Variants in VSX1 observed in about 807,000 individuals in gnomAD.
The protein encoded by VSX1 is visual system homeobox 1.
VSX1 carries 23 observed loss-of-function variants against 23.6 expected under a neutral mutation model. That is an observed-to-expected ratio of 0.97 (90% CI 0.70 to 1.38). VSX1 has a LOEUF of 1.38. Ranked by LOEUF, VSX1 falls within the 40% of genes most tolerant of loss-of-function variation. The pLI, the probability that VSX1 is intolerant of heterozygous loss-of-function variation, is 0.00. For missense variants in VSX1, 517 were observed against 495.4 expected (o/e 1.04, Z -0.41); for synonymous variants, 247 against 215.1 (o/e 1.15, Z -1.30).
downstream of VSX1, chr20:25,072,394 C>T (rs988401522): frequency 5.0e-6 from 2 of 403,680 alleles, no homozygotes; most frequent in Non-Finnish European, 1.0e-5. Flanking sequence ...GTCAGCCGCA[C>T]CCACTTTCTG....
rs976796763 is a variant in VSX1, at chr20:25,081,781, C to T, written c.316G>A (p.Val106Met). ...GGGCCCCTGGGCGGCAGGAACGGCA[C>T]GTCCGCTAGGAGCAGGCAGGGTGCT... ...ARAPCLLLAD[V>M]PFLPPRGPEP... is the part of the protein sequence containing the mutation. Residue 106 changes from valine (V) to methionine (M), a missense_variant, in exon 1 of 5, where the codon GTG becomes ATG. Physicochemically the swap from Val to Met is conservative, Grantham distance 21. Transcript: ENST00000376709. The T allele has an allele frequency of 2.7e-6, 4 of 1,501,784 alleles. No individual in the cohort carries two copies. The highest frequency in any genetic ancestry group is 3.5e-6 in the Non-Finnish European group (4 of 1,133,770). The allele number at this position is 1,501,784 out of a possible 1,614,324, so 93.0% of individuals were successfully genotyped here. A position where few individuals can be genotyped will look rare whatever the true frequency, so the allele number is the denominator to read the frequency against.
chr20:25,079,043 G>A, intron 2 of VSX1, 91 bp from the exon 3 acceptor site: 1 of 1,509,644 alleles, frequency 6.6e-7, no homozygotes, highest in Non-Finnish European at 9.2e-7. Flanking sequence ...TGCTTCCTCT[G>A]CTGTCCAGAC....
rs1251855195 is a variant in VSX1, at chr20:25,079,608, T to G, written c.425-94A>C. On this transcript the variant is annotated intron_variant, in intron 1 of 4. Coordinates refer to ENST00000376709, the MANE Select transcript of VSX1 (RefSeq NM_014588.6). ...GTGAGGATTGAAGTTATGAACCTCT[T>G]GGGTACTTAAGTAGTTTACAGTATG... The G allele has an allele frequency of 8.8e-6, 12 of 1,366,874 alleles. No homozygotes were observed. In the Admixed American group the frequency reaches 1.2e-4, roughly 14 times the overall value. The allele number at this position is 1,366,874 out of a possible 1,614,324, so 84.7% of individuals were successfully genotyped here. A position where few individuals can be genotyped will look rare whatever the true frequency, so the allele number is the denominator to read the frequency against.
downstream of VSX1, chr20:25,075,429 G>A (rs2089467415): frequency 6.6e-6 from 1 of 152,180 alleles, no homozygotes; most frequent in African/African-American, 2.4e-5. Context: ...TAGTGGAGAT[G>A]TACAAGTGTG....
chr20:25,076,069 A>C lies in VSX1; in HGVS notation c.*192T>G. The C allele has an allele frequency of 1.4e-6, 1 of 736,832 alleles. No homozygotes were observed. The highest frequency in any genetic ancestry group is 2.2e-6 in the Non-Finnish European group (1 of 458,266). The allele number at this position is 736,832 out of a possible 1,614,324, so 45.6% of individuals were successfully genotyped here. A position where few individuals can be genotyped will look rare whatever the true frequency, so the allele number is the denominator to read the frequency against. On this transcript the variant is annotated 3_prime_UTR_variant, in exon 5 of 5. Transcript: ENST00000376709. ...AAAGTGCCATTAAGGAACCGTTTCCATTCTAGAATGAAATAGAATTTTCCC... is the reference window on the plus strand; with the variant it reads ...AAAGTGCCATTAAGGAACCGTTTCCCTTCTAGAATGAAATAGAATTTTCCC...
intron 1 of VSX1, 76 bp downstream of exon 1, chr20:25,081,597 G>A (rs2089644066): frequency 1.9e-6 from 3 of 1,549,710 alleles, no homozygotes; most frequent in Non-Finnish European, 1.7e-6. Context: ...GGTGCGGTGG[G>A]GCGATGGTCT....
chr20:25,074,390 A>G (rs1348685270), downstream of VSX1, among the ~76,000 whole-genome samples: 2 of 152,196 alleles, frequency 1.3e-5, no homozygotes, highest in East Asian at 1.9e-4. Context: ...TATTGAAGAG[A>G]GTTCCTTATG....
In VSX1 at chr20:25,076,487, A is replaced by G. The variant is rs2122864605; in HGVS notation, c.872T>C (p.Leu291Pro). ...TTCTTTGAAGTGGTCAGAGCCCCAG[A>G]GTCCTGCCAACTTATCTTCACTTCC... ...KPGSEDKLAGLWGSDHFKEGS... is the reference protein window; with the variant it reads ...KPGSEDKLAGPWGSDHFKEGS... The change falls in exon 5 of 5, where the codon CTC becomes CCC. Residue 291 changes from leucine (L) to proline (P), a missense_variant. Leu to Pro is a moderately conservative substitution (Grantham distance 98). Coordinates refer to ENST00000376709, the MANE Select transcript of VSX1 (RefSeq NM_014588.6). 2 of 1,614,100 alleles carry G rather than the reference A, an allele frequency of 1.2e-6. No homozygotes were observed. The highest frequency in any genetic ancestry group is 1.7e-6 in the Non-Finnish European group (2 of 1,180,000).
chr20:25,077,261 G>A (rs1003332683), intron 4 of VSX1, among the ~76,000 whole-genome samples: 2 of 152,138 alleles, frequency 1.3e-5, no homozygotes, highest in Non-Finnish European at 2.9e-5. Flanking sequence ...CCAAGCCCGG[G>A]GCCAGCCCTC....
rs200369946 is a variant in VSX1, at chr20:25,078,844, G to C, written c.612C>G (p.Pro204=). Reference sequence around the variant, plus strand: ...CCCCAGACACCTGTATCCGGTCTTCGGGGAGCTCAGTTTTCACAGCCAGCA... The same window carrying C: ...CCCCAGACACCTGTATCCGGTCTTCCGGGAGCTCAGTTTTCACAGCCAGCA... The part of the protein sequence containing the change: ...REMLAVKTEL[P]EDRIQVWFQN... Residue 204 remains proline, a synonymous_variant, in exon 3 of 5, where the codon CCC becomes CCG. Transcript: ENST00000376709. The C allele has an allele frequency of 1.2e-6, 2 of 1,613,996 alleles. No individual in the cohort carries two copies. The highest frequency in any genetic ancestry group is 1.1e-5 in the South Asian group (1 of 91,066).
In VSX1 at chr20:25,082,005, AAGCCCCGGGGGCGCG is replaced by A; in HGVS notation, c.77_91del (p.Ser26_Gly30del). 6.5e-7 allele frequency: 1 copy of A among 1,534,612 alleles called. No homozygotes were observed. Among genetic ancestry groups the A allele is most frequent in the Admixed American group, 2.0e-5 (1 of 51,004 alleles). On this transcript the variant is annotated inframe_deletion, in exon 1 of 5. Transcript: ENST00000376709. ...CAAGCCCAGCAGGTCCGTGATGGCG[AAGCCCCGGGGGCGCG>A]AGCCCCTAGGGGAACCGCCAGGCAC...
intron 2 of VSX1, 90 bp downstream of exon 2, chr20:25,079,346 G>A: frequency 3.0e-6 from 4 of 1,338,364 alleles, no homozygotes; most frequent in Admixed American, 4.6e-5. Context: ...CTGCTATCAT[G>A]CCGGGCCATA....
intron 1 of VSX1, 53 bp downstream of exon 1, chr20:25,081,620 C>A: frequency 6.5e-7 from 1 of 1,538,342 alleles, no homozygotes; most frequent in South Asian, 1.2e-5. Flanking sequence ...GACCCCTGCG[C>A]GGCTCAGAGC....
intron 3 of VSX1, 110 bp from the exon 4 acceptor site, chr20:25,077,975 T>C: frequency 7.4e-7 from 1 of 1,360,522 alleles, no homozygotes; most frequent in Non-Finnish European, 1.0e-6. Context: ...CCGAGCATGA[T>C]CCCATGCTAT....
At chr20:25,080,727 A>G (rs975739572) in intron 1 of VSX1, among the ~76,000 whole-genome samples, 1 of 152,234 alleles carries the variant, frequency 6.6e-6, no homozygotes, top group Admixed American at 6.5e-5. Flanking sequence ...TTGCATTTTT[A>G]GTGACACTAA....
At chr20:25,072,653 C>A (rs540116185), downstream of VSX1, 76 of 471,072 alleles carry the variant, frequency 1.6e-4, 1 homozygote, top group South Asian at 1.2e-3. Context: ...TCTGAGAATG[C>A]AAAGAGATAA....
chr20:25,072,891 G>A (rs2089408609), downstream of VSX1, among the ~76,000 whole-genome samples: 1 of 152,090 alleles, frequency 6.6e-6, no homozygotes, highest in Admixed American at 6.6e-5. Flanking sequence ...TTCCAAATTC[G>A]CCTTACTAAA....
downstream of VSX1, chr20:25,071,595 C>T (rs534212248): frequency 2.0e-5 from 10 of 497,514 alleles, no homozygotes; most frequent in African/African-American, 1.4e-4. Context: ...GAAGCAGTTC[C>T]GAGTGATAGA....
At position 25,077,745 on chromosome 20, in the gene VSX1, C is replaced by T. The variant is rs765280038; in HGVS notation, c.748G>A (p.Asp250Asn). 5 of 1,550,654 alleles carry T rather than the reference C, an allele frequency of 3.2e-6. No homozygotes were observed. The highest frequency in any genetic ancestry group is 2.7e-5 in the African/African-American group (2 of 73,022). ...CCCTCGGCGGAGTTGAGCACGGAGT[C>T]TGGCAGCGGGATGCAGTGGCGCACC... ...AMVRHCIPLP[D>N]SVLNSAEGGL... Residue 250 changes from aspartate (D) to asparagine (N), a missense_variant, in exon 4 of 5, where the codon GAC (aspartate) becomes AAC (asparagine). Transcript: ENST00000376709.
Sources: allele counts gnomAD v4.1 joint callset (sites outside exome capture counted in the v4.1 genomes callset), GRCh38; gene constraint gnomAD v4.1.1; transcripts MANE v1.5; gene names NCBI Gene and HGNC (gene_info 2026-07-23, HGNC 2026-07-21).